The following KNL1 variants were observed in gnomAD, a reference collection of about 807,000 sequenced individuals.
The protein encoded by KNL1 is kinetochore scaffold 1, also known as outer kinetochore KNL1 complex subunit KNL1.
KNL1 carries 66 observed loss-of-function variants against 201.3 expected under a neutral mutation model. The observed-to-expected ratio is 0.33, with a 90% CI of 0.27 to 0.40. The LOEUF is 0.40. Ranked by LOEUF, KNL1 falls within the 10% of genes least tolerant of loss-of-function variation. The pLI is 1.00. For missense variants in KNL1, 2,815 were observed against 2,690.5 expected (o/e 1.05, Z -1.02); for synonymous variants, 895 against 899.2 (o/e 1.00, Z 0.08).
intron 14 of KNL1, among the ~76,000 whole-genome samples, chr15:40,641,884 A>G (rs1893240455): frequency 6.6e-6 from 1 of 152,230 alleles, no homozygotes; most frequent in African/African-American, 2.4e-5. Flanking sequence ...GCTCATTGCT[A>G]TGGTATACGT....
rs184613410 is a variant in KNL1, at chr15:40,602,416, A to G, written c.-17-499A>G. On this transcript the variant is annotated intron_variant, in intron 1 of 25. Transcript: ENST00000399668. ...CTCCCACAGTGCTGAGATTACAGGCATGAGCCACCGCGCCCGGCCAAAATG... is the reference window on the plus strand; with the variant it reads ...CTCCCACAGTGCTGAGATTACAGGCGTGAGCCACCGCGCCCGGCCAAAATG... 2.2e-3 allele frequency among the ~76,000 whole-genome samples: 315 copies of G among 145,754 alleles called. 2 individuals carry two copies. The highest frequency in any genetic ancestry group is 7.9e-3 in the African/African-American group (308 of 39,218).
chr15:40,658,544 A>C (rs1272219240), intron 24 of KNL1, among the ~76,000 whole-genome samples: 5 of 107,684 alleles, frequency 4.6e-5, no homozygotes, highest in Non-Finnish European at 7.2e-5. Flanking sequence ...AAAAAAAAAA[A>C]AAGAGAGAAT....
At chr15:40,639,159 C>CT (rs112481283) in intron 13 of KNL1, among the ~76,000 whole-genome samples, 49,745 of 138,196 alleles carry the variant, frequency 0.36, 9,475 homozygotes, top group Non-Finnish European at 0.44. Flanking sequence ...CTTAAAAATC[C>CT]TTTTTTTTTT....
chr15:40,656,651 C>G (rs959679387), intron 22 of KNL1, among the ~76,000 whole-genome samples: 2 of 152,026 alleles, frequency 1.3e-5, no homozygotes, highest in South Asian at 4.1e-4. Flanking sequence ...TTTGGGAGGC[C>G]AAGGCGGGTG....
chr15:40,634,423 T>C lies in KNL1; in HGVS notation c.5682+5052T>C, dbSNP rs60063059. 7.0e-3 allele frequency among the ~76,000 whole-genome samples: 1,064 copies of C among 152,336 alleles called. 9 individuals carry two copies. Among genetic ancestry groups the C allele is most frequent in the African/African-American group, 0.025 (1,023 of 41,576 alleles). On this transcript the variant is annotated intron_variant, in intron 13 of 25. Transcript: ENST00000399668. ...CCTGGTGCGTGAATATACTTTAAAA[T>C]TCGTTTAATTGTATACTTAAATGGA...
intron 2 of KNL1, among the ~76,000 whole-genome samples, chr15:40,604,149 C>T (rs1019730015): frequency 2.6e-5 from 4 of 151,954 alleles, no homozygotes; most frequent in African/African-American, 9.7e-5. Context: ...TCATCATCAT[C>T]ATCTCATCTA....
At chr15:40,598,178 A>AAAAAAAAAAGAAAAAG (rs1161473461) in intron 1 of KNL1, among the ~76,000 whole-genome samples, 1 of 151,830 alleles carries the variant, frequency 6.6e-6, no homozygotes, top group East Asian at 1.9e-4. Flanking sequence ...CCGTCTCAAA[A>AAAAAAAAAAGAAAAAG]AAAAAAAAAG....
chr15:40,625,273 A>G lies in KNL1; in HGVS notation c.5009A>G (p.Asp1670Gly). 1 of 1,614,080 alleles carries G rather than the reference A, an allele frequency of 6.2e-7. No individual in the cohort carries two copies. Among genetic ancestry groups the G allele is most frequent in the South Asian group, 1.1e-5 (1 of 91,078 alleles). ...KRNCSVTGID[D>G]LEQIPADTTD... Reference sequence around the variant, plus strand: ...AATTGTAGTGTCACTGGTATTGATGACCTGGAACAGATTCCAGCAGACACA... The same window carrying G: ...AATTGTAGTGTCACTGGTATTGATGGCCTGGAACAGATTCCAGCAGACACA... The change falls in exon 10 of 26, where the codon GAC (aspartate) becomes GGC (glycine). Residue 1670 changes from aspartate (D) to glycine (G), a missense_variant. Asp to Gly is a moderately conservative substitution (Grantham distance 94). Coordinates refer to ENST00000399668, the MANE Select transcript of KNL1 (RefSeq NM_144508.5).
intron 1 of KNL1, among the ~76,000 whole-genome samples, chr15:40,598,443 C>G (rs1293440045): frequency 6.6e-6 from 1 of 151,992 alleles, no homozygotes; most frequent in Non-Finnish European, 1.5e-5. Context: ...GGAATGGTGG[C>G]AGGTGCCTGT....
intron 4 of KNL1, among the ~76,000 whole-genome samples, chr15:40,607,855 A>G (rs1306170455): frequency 6.6e-6 from 1 of 152,148 alleles, no homozygotes; most frequent in Non-Finnish European, 1.5e-5. Context: ...GTGGGGGTAT[A>G]AAATGGTACA....
intron 13 of KNL1, among the ~76,000 whole-genome samples, chr15:40,634,100 G>GT (rs1555421736): frequency 2.9e-4 from 44 of 151,426 alleles, no homozygotes; most frequent in African/African-American, 6.6e-4. Context: ...TGTTGTTGTT[G>GT]TTGTTTGTTT....
At chr15:40,629,236 A>G (rs774179701) in intron 12 of KNL1, 37 bp from the exon 13 acceptor site, 5 of 1,203,720 alleles carry the variant, frequency 4.2e-6, no homozygotes, top group Non-Finnish European at 6.0e-6. Flanking sequence ...GTGAAATCAC[A>G]TTGAATGGTC....
intron 25 of KNL1, among the ~76,000 whole-genome samples, chr15:40,659,892 T>TTG (rs749156028): frequency 2.3e-4 from 28 of 120,184 alleles, no homozygotes; most frequent in East Asian, 4.6e-4. Context: ...TTTGAAGAAT[T>TTG]TATGTGTGTG....
chr15:40,630,721 T>TG (rs1276627369), intron 13 of KNL1, among the ~76,000 whole-genome samples: 5 of 152,192 alleles, frequency 3.3e-5, no homozygotes, highest in African/African-American at 1.2e-4. Context: ...CACCCCGAGA[T>TG]GGGACCCTCT....
Position 40,659,369 on chromosome 15 carries a change from A to G in KNL1, c.6744A>G (p.Ala2248=). The change falls in exon 25 of 26, where the codon GCA becomes GCG. Residue 2248 remains alanine, a synonymous_variant. Coordinates refer to ENST00000399668, the MANE Select transcript of KNL1 (RefSeq NM_144508.5). ...GACTTTTATTCTCTAGCTCCGCAGC[A>G]TTTGCAAAGTTTGAAATAACTTTGT... ...ELRLLFSSSA[A]FAKFEITLFL... 6.2e-7 allele frequency: 1 copy of G among 1,613,258 alleles called. No individual in the cohort carries two copies. Among genetic ancestry groups the G allele is most frequent in the Non-Finnish European group, 8.5e-7 (1 of 1,179,298 alleles).
chr15:40,621,478 A>T lies in KNL1; in HGVS notation c.1214A>T (p.Asp405Val). The T allele has an allele frequency of 6.2e-7, 1 of 1,613,978 alleles. No individual in the cohort carries two copies. Among genetic ancestry groups the T allele is most frequent in the Non-Finnish European group, 8.5e-7 (1 of 1,179,914 alleles). Residue 405 changes from aspartate to valine, a missense_variant, in exon 10 of 26, where the codon GAT (aspartate) becomes GTT (valine). Asp to Val is a radical substitution (Grantham distance 152, BLOSUM62 -3). Transcript: ENST00000399668. ...ATAGTCTCACAGACTTGTAATCAGGATGCCAGAATATTAGCCATGACCCCA... is the reference window on the plus strand; with the variant it reads ...ATAGTCTCACAGACTTGTAATCAGGTTGCCAGAATATTAGCCATGACCCCA... Reference protein sequence around the residue: ...THIVSQTCNQDARILAMTPES... With the variant: ...THIVSQTCNQVARILAMTPES...
At chr15:40,618,934 A>C in intron 8 of KNL1, 25 bp from the exon 9 acceptor site, 1 of 1,525,222 alleles carries the variant, frequency 6.6e-7, no homozygotes, top group South Asian at 1.2e-5. Flanking sequence ...TTTTCTGACT[A>C]CAGTTTTTTC....
In KNL1 at chr15:40,628,698, CT is replaced by C. The variant is rs140960825; in HGVS notation, c.5583+28del. On this transcript the variant is annotated intron_variant, in intron 12 of 25. Transcript: ENST00000399668. ...AGGGAGGTATGTTAAAATTCTTTTT[CT>C]TTTTTTTATTTATAAAGAAAAGAGG... 51 of 1,474,824 alleles carry C rather than the reference CT, an allele frequency of 3.5e-5. No individual in the cohort carries two copies. Among genetic ancestry groups the C allele is most frequent in the Admixed American group, 7.6e-5 (4 of 52,632 alleles). 91.4% of individuals were successfully genotyped at this position (1,474,824 alleles called of 1,614,324 possible). A position where few individuals can be genotyped will look rare whatever the true frequency, so the allele number is the denominator to read the frequency against.
chr15:40,634,456 C>G (rs11854986), intron 13 of KNL1, among the ~76,000 whole-genome samples: 57,919 of 152,036 alleles, frequency 0.38, 11,257 homozygotes, highest in Middle Eastern at 0.47. Context: ...GGATGGATTG[C>G]ATTGTGTGTG....
Sources: allele counts gnomAD v4.1 joint callset (sites outside exome capture counted in the v4.1 genomes callset), GRCh38; gene constraint gnomAD v4.1.1; transcripts MANE v1.5; gene names NCBI Gene and HGNC (gene_info 2026-07-23, HGNC 2026-07-21).